ADAMTS17: variants seen among roughly 807,000 people sequenced by gnomAD.
ADAMTS17 encodes the protein A disintegrin and metalloproteinase with thrombospondin motifs 17.
In ADAMTS17, 113 loss-of-function variants were observed where a neutral mutation model predicts 141.5. The observed-to-expected ratio is 0.80, with a 90% CI of 0.69 to 0.93. The LOEUF (loss-of-function observed/expected upper bound fraction) is 0.93, where lower values mean the gene tolerates loss of function less well. ADAMTS17 is among the 40% of genes least tolerant of loss of function. The pLI is 0.00. For synonymous variants in ADAMTS17, 768 were observed against 630.6 expected (o/e 1.22, Z -3.27); for missense variants, 1,659 against 1,517.9 (o/e 1.09, Z -1.54).
intron 1 of ADAMTS17, 24 bp downstream of exon 1, chr15:100,341,797 G>A: frequency 6.5e-7 from 1 of 1,548,646 alleles, no homozygotes; most frequent in Non-Finnish European, 8.7e-7. Flanking sequence ...GCGGGGTGAA[G>A]AGGGCTGTGG....
In ADAMTS17 at chr15:99,974,240, A is replaced by C. The variant is rs996099530; in HGVS notation, c.*162T>G. ...GCCAGTGGCTGTTAACAATATATTA[A>C]GTACGGAAGCACTAATGGCAAACGC... On this transcript the variant is annotated 3_prime_UTR_variant, in exon 22 of 22. Transcript: ENST00000268070. 5 of 827,050 alleles carry C rather than the reference A, an allele frequency of 6.0e-6. No individual in the cohort carries two copies. The highest frequency in any genetic ancestry group is 9.7e-6 in the Non-Finnish European group (5 of 513,746). 51.2% of individuals were successfully genotyped at this position (827,050 alleles called of 1,614,324 possible).
intron 15 of ADAMTS17, among the ~76,000 whole-genome samples, chr15:100,084,112 A>C (rs2034931703): frequency 6.6e-6 from 1 of 152,108 alleles, no homozygotes; most frequent in South Asian, 2.1e-4. Flanking sequence ...GGGGTGACAG[A>C]CGGCACCTGG....
At chr15:100,172,191 A>T (rs369708545) in intron 8 of ADAMTS17, among the ~76,000 whole-genome samples, 1 of 152,282 alleles carries the variant, frequency 6.6e-6, no homozygotes, top group African/African-American at 2.4e-5. Flanking sequence ...TGCACAGTGG[A>T]ATCCCCTGGA....
chr15:100,106,376 G>C (rs988403916), intron 14 of ADAMTS17, among the ~76,000 whole-genome samples: 5 of 152,230 alleles, frequency 3.3e-5, no homozygotes, highest in African/African-American at 1.2e-4. Flanking sequence ...GTGCAGAACA[G>C]GGTTGGGCTC....
intron 18 of ADAMTS17, among the ~76,000 whole-genome samples, chr15:100,007,830 G>A (rs1484625998): frequency 6.6e-6 from 1 of 152,116 alleles, no homozygotes; most frequent in Non-Finnish European, 1.5e-5. Context: ...GGAAAGTCAT[G>A]AGCAAAGGAG....
intron 15 of ADAMTS17, among the ~76,000 whole-genome samples, chr15:100,075,169 A>C (rs1168917981): frequency 1.3e-5 from 2 of 152,186 alleles, no homozygotes; most frequent in African/African-American, 4.8e-5. Flanking sequence ...CTACTTTCTC[A>C]CATCCCATTT....
intron 15 of ADAMTS17, among the ~76,000 whole-genome samples, chr15:100,087,561 T>C (rs1413149082): frequency 6.6e-6 from 1 of 152,166 alleles, no homozygotes; most frequent in Non-Finnish European, 1.5e-5. Context: ...ACCAATATCC[T>C]TGATGAACAT....
Position 100,254,294 on chromosome 15 carries a change from A to C in ADAMTS17, c.1032-115T>G, listed in dbSNP as rs2043253041. On this transcript the variant is annotated intron_variant, in intron 6 of 21. Coordinates refer to ENST00000268070, the MANE Select transcript of ADAMTS17 (RefSeq NM_139057.4). ...CTGCAATGTTATTTTTCCAGTGGACACAGGCCACAGCGAATGATAACAAAC... is the reference window on the plus strand; with the variant it reads ...CTGCAATGTTATTTTTCCAGTGGACCCAGGCCACAGCGAATGATAACAAAC... 8 of 931,856 alleles carry C rather than the reference A, an allele frequency of 8.6e-6. No individual in the cohort carries two copies. The East Asian group carries it at 2.0e-4, about 23-fold the overall frequency. The allele number at this position is 931,856 out of a possible 1,614,324, so 57.7% of individuals were successfully genotyped here.
chr15:100,015,373 G>C (rs1207828884), intron 18 of ADAMTS17, among the ~76,000 whole-genome samples: 2 of 152,094 alleles, frequency 1.3e-5, no homozygotes, highest in East Asian at 3.8e-4. Flanking sequence ...AGGTACCGTT[G>C]CATTTGTCAT....
intron 15 of ADAMTS17, among the ~76,000 whole-genome samples, chr15:100,074,878 T>C (rs960533577): frequency 6.6e-6 from 1 of 152,176 alleles, no homozygotes; most frequent in Non-Finnish European, 1.5e-5. Context: ...TTATGACTTA[T>C]TAATTTCCTC....
Position 100,313,840 on chromosome 15 carries a change from C to T in ADAMTS17, c.616+17049G>A, listed in dbSNP as rs1028781385. Among the ~76,000 whole-genome samples, 214 of 113,458 alleles carry T rather than the reference C, an allele frequency of 1.9e-3. 5 individuals carry two copies. Among genetic ancestry groups the T allele is most frequent in the African/African-American group, 7.8e-3 (194 of 24,824 alleles). 74.4% of individuals were successfully genotyped at this position (113,458 alleles called of 152,430 possible). Reference sequence around the variant, plus strand: ...AAACGTCAGACAAAACCATCCCAAACGTCACCATGAAGAAACGTCAGACAA... The same window carrying T: ...AAACGTCAGACAAAACCATCCCAAATGTCACCATGAAGAAACGTCAGACAA... On this transcript the variant is annotated intron_variant, in intron 3 of 21. Coordinates refer to ENST00000268070, the MANE Select transcript of ADAMTS17 (RefSeq NM_139057.4).
chr15:100,063,344 A>T (rs1256653814), intron 15 of ADAMTS17, among the ~76,000 whole-genome samples: 1 of 152,218 alleles, frequency 6.6e-6, no homozygotes, highest in African/African-American at 2.4e-5. Context: ...CTCAGACTCA[A>T]GCTGCTCTCA....
In ADAMTS17 at chr15:100,261,469, C is replaced by T. The variant is rs763036649; in HGVS notation, c.1031+10G>A. The T allele has an allele frequency of 6.2e-7, 1 of 1,613,918 alleles. No individual in the cohort carries two copies. Among genetic ancestry groups the T allele is most frequent in the Non-Finnish European group, 8.5e-7 (1 of 1,180,012 alleles). On this transcript the variant is annotated intron_variant, in intron 6 of 21. Coordinates refer to ENST00000268070, the MANE Select transcript of ADAMTS17 (RefSeq NM_139057.4). ...CTCACATGTCAGCTACAGGCCAAAT[C>T]CCATCTTACCTGGTCACAAACACGG...
chr15:100,158,768 C>A (rs1316011128), intron 8 of ADAMTS17, among the ~76,000 whole-genome samples: 2 of 152,126 alleles, frequency 1.3e-5, no homozygotes, highest in Non-Finnish European at 2.9e-5. Flanking sequence ...TCCTACAACT[C>A]AATAGCAAAA....
rs1425400144 is a variant in ADAMTS17, at chr15:100,223,821, A to ATATGTG, written c.1076-24404_1076-24399dup. 7.2e-5 allele frequency among the ~76,000 whole-genome samples: 11 copies of ATATGTG among 151,770 alleles called. 1 individual carries two copies. Among genetic ancestry groups the ATATGTG allele is most frequent in the African/African-American group, 2.7e-4 (11 of 41,354 alleles). On this transcript the variant is annotated intron_variant, in intron 7 of 21. Coordinates refer to ENST00000268070, the MANE Select transcript of ADAMTS17 (RefSeq NM_139057.4). ...TGTATATATATGTGTGTGTGTGTAT[A>ATATGTG]TATGTGTGTATATATATGGAGTTTA... is the stretch of plus-strand genomic sequence containing the variant.
chr15:100,178,088 A>G (rs551515246), intron 8 of ADAMTS17, among the ~76,000 whole-genome samples: 3 of 152,230 alleles, frequency 2.0e-5, no homozygotes, highest in Non-Finnish European at 4.4e-5. Context: ...TCTTTCAGGG[A>G]GCAGATAGTT....
intron 15 of ADAMTS17, among the ~76,000 whole-genome samples, chr15:100,069,983 T>C (rs1327897917): frequency 1.3e-5 from 2 of 150,266 alleles, no homozygotes; most frequent in African/African-American, 4.9e-5. Flanking sequence ...ATCAGTGTGC[T>C]GTATTCAGGA....
intron 18 of ADAMTS17, among the ~76,000 whole-genome samples, chr15:100,044,016 G>T (rs1033499718): frequency 2.0e-5 from 3 of 152,226 alleles, no homozygotes; most frequent in Admixed American, 6.5e-5. Flanking sequence ...TTTCCTACAT[G>T]ATCTTCTGGT....
chr15:100,312,717 C>T (rs963930794), intron 3 of ADAMTS17, among the ~76,000 whole-genome samples: 7 of 152,128 alleles, frequency 4.6e-5, no homozygotes, highest in African/African-American at 1.7e-4. Context: ...GAGAAGGTGA[C>T]ATCCAAATTG....
Sources: allele counts gnomAD v4.1 joint callset (sites outside exome capture counted in the v4.1 genomes callset), GRCh38; gene constraint gnomAD v4.1.1; transcripts MANE v1.5; gene names NCBI Gene and HGNC (gene_info 2026-07-23, HGNC 2026-07-21).